The following ERBB2 variants were observed in gnomAD, a reference collection of about 807,000 sequenced individuals.
ERBB2 encodes the protein receptor tyrosine-protein kinase erbB-2.
ERBB2 carries 61 observed loss-of-function variants against 149.0 expected under a neutral mutation model. That is an observed-to-expected ratio of 0.41 (90% CI 0.33 to 0.51). The LOEUF (loss-of-function observed/expected upper bound fraction) is 0.51. Ranked by LOEUF, ERBB2 falls within the 20% of genes least tolerant of loss-of-function variation. The pLI, the probability that ERBB2 is intolerant of heterozygous loss-of-function variation, is 0.25. For missense variants in ERBB2, 1,205 were observed against 1,655.1 expected (o/e 0.73, Z 4.72); for synonymous variants, 633 against 678.8 (o/e 0.93, Z 1.05).
At chr17:39,718,864 CTT>C (rs1348291599) in intron 15 of ERBB2, among the ~76,000 whole-genome samples, 3 of 152,288 alleles carry the variant, frequency 2.0e-5, no homozygotes, top group South Asian at 4.1e-4. Context: ...AGTGAGCCCT[CTT>C]TTGTATGCCC....
At chr17:39,697,911 C>T (rs2145238762), upstream of ERBB2, among the ~76,000 whole-genome samples, 1 of 152,142 alleles carries the variant, frequency 6.6e-6, no homozygotes, top group East Asian at 1.9e-4. Flanking sequence ...CCAGGCTGGT[C>T]TCGAACTCCT....
intron 16 of ERBB2, among the ~76,000 whole-genome samples, chr17:39,722,631 G>GT (rs1192859534): frequency 1.3e-5 from 2 of 152,202 alleles, no homozygotes; most frequent in Admixed American, 1.3e-4. Context: ...GCCAGGCTAG[G>GT]TGTCTTAAAT....
chr17:39,726,085 G>A lies in ERBB2; in HGVS notation c.2872+232G>A, dbSNP rs2059741719. ...ACAGTGGCTCATGCCTGTAATCCCA[G>A]TACTTTTGGAGGCTGAGGTGGGAGG... On this transcript the variant is annotated intron_variant, in intron 23 of 26. Transcript: ENST00000269571. The surrounding 1 kb of genome is among the most constrained non-coding windows in gnomAD (Gnocchi z 5.1). 1 of 514,512 alleles carries A rather than the reference G, an allele frequency of 1.9e-6. No homozygotes were observed. Among genetic ancestry groups the A allele is most frequent in the Non-Finnish European group, 3.4e-6 (1 of 293,656 alleles). 31.9% of individuals were successfully genotyped at this position (514,512 alleles called of 1,614,324 possible).
intron 16 of ERBB2, chr17:39,720,142 A>C: frequency 2.5e-6 from 1 of 398,738 alleles, no homozygotes; most frequent in Admixed American, 4.0e-5. Flanking sequence ...TGAGAAGAGT[A>C]CAGCTGCAGC....
intron 9 of ERBB2, 29 bp from the exon 10 acceptor site, chr17:39,715,257 C>T (rs2145628363): frequency 6.2e-7 from 1 of 1,603,648 alleles, no homozygotes; most frequent in East Asian, 2.2e-5. Flanking sequence ...TGTTCCTGGC[C>T]CTGCTGACTC....
Position 39,723,847 on chromosome 17 carries a change from C to A in ERBB2, c.2209-65C>A, listed in dbSNP as rs970571599. ...GGATGTTTGGAGGACAAGTAATGAT[C>A]TCCTGGAAGGCAGGTAGGATCCAGC... On this transcript the variant is annotated intron_variant, in intron 18 of 26. Coordinates refer to ENST00000269571, the MANE Select transcript of ERBB2 (RefSeq NM_004448.4). The surrounding 1 kb of genome is among the most constrained non-coding windows in gnomAD (Gnocchi z 6.2). 2.0e-6 allele frequency: 3 copies of A among 1,518,630 alleles called. No homozygotes were observed. Among genetic ancestry groups the A allele is most frequent in the East Asian group, 4.5e-5 (2 of 44,464 alleles). 94.1% of individuals were successfully genotyped at this position (1,518,630 alleles called of 1,614,324 possible). A position where few individuals can be genotyped will look rare whatever the true frequency, so the allele number is the denominator to read the frequency against.
chr17:39,716,875 G>C (rs990181219), intron 14 of ERBB2: 11 of 514,464 alleles, frequency 2.1e-5, no homozygotes, highest in Admixed American at 1.9e-4. Flanking sequence ...GTGGGCTCAG[G>C]CGTCAGACTA....
chr17:39,725,312 C>G lies in ERBB2; in HGVS notation c.2650-15C>G, dbSNP rs367622759. On this transcript the variant is annotated splice_polypyrimidine_tract_variant and intron_variant, in intron 21 of 26. Coordinates refer to ENST00000269571, the MANE Select transcript of ERBB2 (RefSeq NM_004448.4). The surrounding 1 kb of genome is among the most constrained non-coding windows in gnomAD (Gnocchi z 4.6). ...ACAACACACAGTTGGAGGACTTCCT[C>G]TTCTGCCCTCCCAGGTGCCCATCAA... is the stretch of plus-strand genomic sequence containing the variant. 9.0e-5 allele frequency: 145 copies of G among 1,613,848 alleles called. No individual in the cohort carries two copies. The highest frequency in any genetic ancestry group is 9.2e-5 in the Non-Finnish European group (109 of 1,179,914).
upstream of ERBB2, among the ~76,000 whole-genome samples, chr17:39,691,048 A>C (rs190297350): frequency 9.2e-5 from 14 of 152,206 alleles, no homozygotes; most frequent in African/African-American, 3.4e-4. Flanking sequence ...AAAAAAAAAA[A>C]AAAAGTATAG....
At chr17:39,719,642 ACTGACGGCCTTG>A (rs2059341724) in intron 15 of ERBB2, 133 bp from the exon 16 acceptor site, 2 of 776,756 alleles carry the variant, frequency 2.6e-6, no homozygotes, top group Non-Finnish European at 4.6e-6. Context: ...TAGAAGGAGC[ACTGACGGCCTTG>A]AGCCCAGTTT....
At position 39,707,082 on chromosome 17, in the gene ERBB2, G is replaced by T; in HGVS notation, c.166G>T (p.Val56Leu). 6.2e-7 allele frequency: 1 copy of T among 1,606,362 alleles called. No individual in the cohort carries two copies. The part of the protein sequence containing the change: ...LRHLYQGCQV[V>L]QGNLELTYLP... ...CCACCTCTACCAGGGCTGCCAGGTG[G>T]TGCAGGGAAACCTGGAACTCACCTA... Residue 56 changes from valine to leucine, a missense_variant, in exon 2 of 27, where the codon GTG (valine) becomes TTG (leucine). Physicochemically the swap from Val to Leu is conservative, Grantham distance 32. Around this residue, in one of 6 missense-constraint regions of ERBB2, gnomAD observed 101 missense variants for 95.1 expected, o/e 1.06. Transcript: ENST00000269571.
intron 15 of ERBB2, 57 bp from the exon 16 acceptor site, chr17:39,719,730 A>G (rs1489803810): frequency 1.9e-6 from 3 of 1,567,282 alleles, no homozygotes; most frequent in Non-Finnish European, 2.6e-6. Context: ...GAGGCTGGAA[A>G]GGTGGTTCCC....
chr17:39,723,892 ATCC>A lies in ERBB2; in HGVS notation c.2209-14_2209-12del. On this transcript the variant is annotated splice_polypyrimidine_tract_variant and intron_variant, in intron 18 of 26. Transcript: ENST00000269571. This position sits in a 1 kb window ranked among gnomAD's most constrained non-coding sequence, Gnocchi z 6.2. ...TCCAGCCCACGCTCTTCTCACTCATATCCTCCTCTTTCTGCCCAGGGCATCTGG... is the reference window on the plus strand; with the variant it reads ...TCCAGCCCACGCTCTTCTCACTCATATCCTCTTTCTGCCCAGGGCATCTGG... The A allele has an allele frequency of 6.2e-7, 1 of 1,601,478 alleles. No individual in the cohort carries two copies. Among genetic ancestry groups the A allele is most frequent in the Non-Finnish European group, 8.6e-7 (1 of 1,168,610 alleles).
chr17:39,691,955 ATATC>A (rs1393353384), upstream of ERBB2, among the ~76,000 whole-genome samples: 1 of 145,354 alleles, frequency 6.9e-6, no homozygotes, highest in African/African-American at 2.6e-5. Context: ...ATATATATAT[ATATC>A]TCTTGTGTCT....
chr17:39,711,929 CA>C lies in ERBB2; in HGVS notation c.905del (p.Asn302ThrfsTer21). 1 of 1,614,124 alleles carries C rather than the reference CA, an allele frequency of 6.2e-7. No homozygotes were observed. The highest frequency in any genetic ancestry group is 8.5e-7 in the Non-Finnish European group (1 of 1,179,984). ...GASCVTACPY[N>X]YLSTDVGSCT... ...GCTACATGTTCCTGATCTCCTTAGA[CA>C]ACTACCTTTCTACGGACGTGGGATC... On this transcript the variant is annotated frameshift_variant and splice_region_variant, in exon 8 of 27. Transcript: ENST00000269571. LOFTEE classifies it high-confidence loss of function.
chr17:39,692,238 T>A (rs1045941337), upstream of ERBB2, among the ~76,000 whole-genome samples: 1 of 152,222 alleles, frequency 6.6e-6, no homozygotes, highest in South Asian at 2.1e-4. Context: ...TATACACTTA[T>A]ATACAGTACC....
At chr17:39,716,160 C>G in intron 12 of ERBB2, 141 bp from the exon 13 acceptor site, 4 of 1,054,314 alleles carry the variant, frequency 3.8e-6, no homozygotes, top group Non-Finnish European at 5.4e-6. Flanking sequence ...TCTGAAATCT[C>G]AGAACTCTTC....
chr17:39,721,254 G>A lies in ERBB2; in HGVS notation c.1946+1420G>A, dbSNP rs1384022678. On this transcript the variant is annotated intron_variant, in intron 16 of 26. Transcript: ENST00000269571. ...AGTGAGCCACCACTCCTGGCGATGA[G>A]CCAAGTCTTTTTTTTTTTTTTTTTT... Among the ~76,000 whole-genome samples, 10 of 147,446 alleles carry A rather than the reference G, an allele frequency of 6.8e-5. No individual in the cohort carries two copies. The Admixed American group carries it at 6.9e-4, about 10-fold the overall frequency.
At chr17:39,690,896 G>A (rs931565231), upstream of ERBB2, among the ~76,000 whole-genome samples, 18 of 152,158 alleles carry the variant, frequency 1.2e-4, no homozygotes, top group African/African-American at 4.3e-4. Flanking sequence ...GCTCATGCCT[G>A]TAATCCCAGC....
Sources: gnomAD v4.1 joint callset for allele counts (sites outside exome capture counted in the v4.1 genomes callset) on GRCh38, gnomAD v4.1.1 for gene constraint, gnomAD v4.1.1 regional missense constraint, Gnocchi (gnomAD v3.1) non-coding constraint, MANE v1.5 for transcripts, NCBI Gene and HGNC (gene_info 2026-07-23, HGNC 2026-07-21) for gene names.